FMN2: variants seen among roughly 807,000 people sequenced by gnomAD.
The protein encoded by FMN2 is formin 2, also known as formin-2.
A neutral mutation model predicts 142.3 loss-of-function variants in FMN2; 51 were observed. The observed-to-expected ratio is 0.36, with a 90% confidence interval of 0.29 to 0.45. The LOEUF (loss-of-function observed/expected upper bound fraction) is 0.45, where lower values mean the gene tolerates loss of function less well. Ranked by LOEUF, FMN2 falls within the 20% of genes least tolerant of loss-of-function variation. The pLI, the probability that FMN2 is intolerant of heterozygous loss-of-function variation, is 1.00. For missense variants in FMN2, 1,936 were observed against 2,122.8 expected, an observed-to-expected ratio of 0.91 and a Z score of 1.73; for synonymous variants, 882 against 869.8, an observed-to-expected ratio of 1.01 and a Z score of -0.25.
At chr1:240,142,383 T>A (rs974005035) in intron 2 of FMN2, among the ~76,000 whole-genome samples, 4 of 152,194 alleles carry the variant, frequency 2.6e-5, no homozygotes, top group Non-Finnish European at 4.4e-5. Context: ...AAATATTAAT[T>A]GTATTTTGAT....
chr1:240,274,834 T>C (rs1290556118), intron 7 of FMN2, among the ~76,000 whole-genome samples: 1 of 152,118 alleles, frequency 6.6e-6, no homozygotes, highest in Non-Finnish European at 1.5e-5. Context: ...CTAGGATTAT[T>C]GGCCTAAGTT....
intron 15 of FMN2, among the ~76,000 whole-genome samples, chr1:240,407,140 CTTTTT>C (rs1166811997): frequency 1.4e-5 from 2 of 142,176 alleles, no homozygotes; most frequent in East Asian, 4.1e-4. Flanking sequence ...AGCTACAATA[CTTTTT>C]TTTTTTTTTT....
At chr1:240,297,532 G>T (rs1334220420) in intron 8 of FMN2, among the ~76,000 whole-genome samples, 1 of 144,304 alleles carries the variant, frequency 6.9e-6, no homozygotes, top group Non-Finnish European at 1.5e-5. Flanking sequence ...GGAGGCGGAG[G>T]TTGCTGTGAG....
intron 3 of FMN2, among the ~76,000 whole-genome samples, chr1:240,184,169 T>C (rs1337963688): frequency 2.0e-5 from 3 of 151,364 alleles, no homozygotes; most frequent in African/African-American, 2.4e-5. Flanking sequence ...TTGGAGTCCA[T>C]AGGGAGTCCA....
At chr1:240,228,075 G>A (rs919729448) in intron 6 of FMN2, among the ~76,000 whole-genome samples, 5 of 151,778 alleles carry the variant, frequency 3.3e-5, no homozygotes, top group African/African-American at 9.7e-5. Context: ...AGGCCGAGGC[G>A]GGTGGATCAC....
intron 8 of FMN2, among the ~76,000 whole-genome samples, chr1:240,313,211 A>G (rs150015339): frequency 8.3e-4 from 126 of 152,314 alleles, no homozygotes; most frequent in Middle Eastern, 6.8e-3. Context: ...TTAGTTCTCC[A>G]TTCTACCCAT....
At chr1:240,434,190 A>G (rs1308730330) in intron 15 of FMN2, among the ~76,000 whole-genome samples, 2 of 152,162 alleles carry the variant, frequency 1.3e-5, no homozygotes, top group Non-Finnish European at 2.9e-5. Flanking sequence ...TTTAACTACT[A>G]CCTCTTCATG....
At chr1:240,225,393 A>AATG (rs1667264100) in intron 6 of FMN2, among the ~76,000 whole-genome samples, 1 of 152,202 alleles carries the variant, frequency 6.6e-6, no homozygotes, top group Non-Finnish European at 1.5e-5. Flanking sequence ...TTCACTGATA[A>AATG]ATGGCTCATG....
chr1:240,218,517 A>G (rs959625766), intron 6 of FMN2, among the ~76,000 whole-genome samples: 3 of 151,642 alleles, frequency 2.0e-5, no homozygotes, highest in Admixed American at 6.6e-5. Flanking sequence ...TGTGATACCC[A>G]CTGCCCTCCA....
At chr1:240,117,566 C>T (rs6693139) in intron 1 of FMN2, among the ~76,000 whole-genome samples, 2 of 151,986 alleles carry the variant, frequency 1.3e-5, no homozygotes, top group Non-Finnish European at 2.9e-5. Flanking sequence ...TAAGCCGCTG[C>T]GGAAGGAAGT....
chr1:240,461,253 C>G (rs1267270420), intron 16 of FMN2, among the ~76,000 whole-genome samples: 1 of 152,160 alleles, frequency 6.6e-6, no homozygotes, highest in Non-Finnish European at 1.5e-5. Flanking sequence ...GTGTGTGATC[C>G]TGAACAGGTA....
At chr1:240,109,134 A>G (rs932925277) in intron 1 of FMN2, among the ~76,000 whole-genome samples, 1 of 152,244 alleles carries the variant, frequency 6.6e-6, no homozygotes, top group Non-Finnish European at 1.5e-5. Context: ...CAAACAGATG[A>G]TTAAAATTGA....
chr1:240,332,063 C>T (rs1052525269), intron 11 of FMN2, among the ~76,000 whole-genome samples: 1 of 152,140 alleles, frequency 6.6e-6, no homozygotes, highest in Non-Finnish European at 1.5e-5. Context: ...CAAATTAATA[C>T]AGATATTCAT....
At chr1:240,428,739 T>A (rs1308605445) in intron 15 of FMN2, among the ~76,000 whole-genome samples, 1 of 152,240 alleles carries the variant, frequency 6.6e-6, no homozygotes, top group African/African-American at 2.4e-5. Flanking sequence ...ACTTACCAGC[T>A]TTTGTAGTGA....
At chr1:240,097,095 C>T (rs901529162) in intron 1 of FMN2, among the ~76,000 whole-genome samples, 2 of 152,014 alleles carry the variant, frequency 1.3e-5, no homozygotes, top group Non-Finnish European at 2.9e-5. Context: ...GATGCTAAAT[C>T]GCTTTTGATA....
intron 2 of FMN2, among the ~76,000 whole-genome samples, chr1:240,169,265 C>T (rs561470239): frequency 2.6e-4 from 40 of 152,234 alleles, no homozygotes; most frequent in African/African-American, 8.4e-4. Flanking sequence ...CCCTCCTACA[C>T]GAGATATTCT....
intron 7 of FMN2, among the ~76,000 whole-genome samples, chr1:240,293,663 GACTCTT>G (rs370897833): frequency 1.6e-4 from 25 of 152,150 alleles, no homozygotes; most frequent in African/African-American, 4.8e-4. Context: ...ATTTGTCTGA[GACTCTT>G]ACTCTTAGAT....
intron 16 of FMN2, among the ~76,000 whole-genome samples, chr1:240,442,106 T>C (rs1051013644): frequency 1.3e-5 from 2 of 152,166 alleles, no homozygotes; most frequent in Non-Finnish European, 2.9e-5. Context: ...GATCCATGTG[T>C]CTTTTCAAAT....
chr1:240,408,647 T>G (rs114988805), intron 15 of FMN2, among the ~76,000 whole-genome samples: 603 of 152,320 alleles, frequency 4.0e-3, no homozygotes, highest in Admixed American at 7.0e-3. Context: ...TACTTTGTAG[T>G]CATTTATTTA....
Sources: gnomAD v4.1 joint callset for allele counts (sites outside exome capture counted in the v4.1 genomes callset) on GRCh38, gnomAD v4.1.1 for gene constraint, MANE v1.5 for transcripts, NCBI Gene and HGNC (gene_info 2026-07-23, HGNC 2026-07-21) for gene names.